Variants in HSDL1 observed in about 807,000 individuals in gnomAD.
HSDL1 encodes the protein inactive hydroxysteroid dehydrogenase-like protein 1.
HSDL1 carries 29 observed loss-of-function variants against 31.5 expected under a neutral mutation model. That is an observed-to-expected ratio of 0.92 (90% confidence interval 0.69 to 1.26). The LOEUF is 1.26. Among genes scored for constraint, HSDL1 ranks in the 50% most tolerant of loss-of-function variants. HSDL1 has a pLI of 0.00. For synonymous variants in HSDL1, 222 were observed against 155.2 expected (o/e 1.43, Z -3.20); for missense variants, 503 against 416.6 (o/e 1.21, Z -1.81).
chr16:84,141,295 C>A (rs980022372), intron 1 of HSDL1, among the ~76,000 whole-genome samples: 1 of 151,674 alleles, frequency 6.6e-6, no homozygotes, highest in Non-Finnish European at 1.5e-5. Flanking sequence ...GTTCACAGGT[C>A]CCCCTGCTGC....
At position 84,129,476 on chromosome 16, in the gene HSDL1, A is replaced by C; in HGVS notation, c.894+72T>G. ...ACAATTCTCATCTTAGGCTTTAATCAGATTTCTCTGTATCACTGAGATAGG... is the reference window on the plus strand; with the variant it reads ...ACAATTCTCATCTTAGGCTTTAATCCGATTTCTCTGTATCACTGAGATAGG... On this transcript the variant is annotated intron_variant, in intron 5 of 5. Transcript: ENST00000219439. 7 of 1,075,700 alleles carry C rather than the reference A, an allele frequency of 6.5e-6. No homozygotes were observed. In the South Asian group the frequency reaches 9.6e-5, roughly 15 times the overall value. 66.6% of individuals were successfully genotyped at this position (1,075,700 alleles called of 1,614,324 possible). A position where few individuals can be genotyped will look rare whatever the true frequency, so the allele number is the denominator to read the frequency against.
intron 5 of HSDL1, among the ~76,000 whole-genome samples, chr16:84,127,036 T>C (rs1196098634): frequency 1.3e-5 from 2 of 152,176 alleles, no homozygotes. Flanking sequence ...AGTAAACTGT[T>C]CGTGTTTTAT....
chr16:84,129,766 C>T lies in HSDL1; in HGVS notation c.676G>A (p.Asp226Asn). The T allele has an allele frequency of 6.2e-7, 1 of 1,612,314 alleles. No individual in the cohort carries two copies. Among genetic ancestry groups the T allele is most frequent in the Non-Finnish European group, 8.5e-7 (1 of 1,178,476 alleles). The change falls in exon 5 of 6, where the codon GAC becomes AAC. Residue 226 changes from aspartate (D) to asparagine (N), a missense_variant. Physicochemically the swap from Asp to Asn is conservative, Grantham distance 23. Transcript: ENST00000219439. ...AAFSASKAYLDHFSRALQYEY... is the reference protein window; with the variant it reads ...AAFSASKAYLNHFSRALQYEY... ...TATTGCAAGGCTCTGCTGAAGTGGT[C>T]TAAATAAGCCTGTTGAGACAGAGGG...
Position 84,124,310 on chromosome 16 carries a change from A to G in HSDL1, c.*320T>C, listed in dbSNP as rs528024526. The G allele has an allele frequency of 4.9e-4, 87 of 176,234 alleles. 2 individuals carry two copies. Among genetic ancestry groups the G allele is most frequent in the African/African-American group, 1.9e-3 (79 of 42,488 alleles). The allele number at this position is 176,234 out of a possible 1,614,324, so 10.9% of individuals were successfully genotyped here. The stretch of plus-strand genomic sequence containing the variant: ...ACATCTGAAATTATAAGACCTGACA[A>G]ATCATATTATATTTCAATATTAGAC... On this transcript the variant is annotated 3_prime_UTR_variant, in exon 6 of 6. Transcript: ENST00000219439.
intron 5 of HSDL1, among the ~76,000 whole-genome samples, chr16:84,126,647 A>G (rs1264061628): frequency 1.3e-5 from 2 of 152,150 alleles, no homozygotes; most frequent in African/African-American, 4.8e-5. Flanking sequence ...TCTAGTCTTG[A>G]ACTGAACTGA....
At chr16:84,129,906 G>C (rs2151186435) in intron 4 of HSDL1, 80 bp downstream of exon 4, 2 of 1,479,762 alleles carry the variant, frequency 1.4e-6, no homozygotes, top group East Asian at 2.3e-5. Context: ...CTGACAAAGA[G>C]TTCAACAAAT....
rs757845284 is a variant in HSDL1 at position 84,130,018 on chromosome 16, T to A, written c.634A>T (p.Thr212Ser). The change falls in exon 4 of 6, where the codon ACT becomes TCT. Residue 212 changes from threonine to serine, a missense_variant. Thr to Ser is a moderately conservative substitution (Grantham distance 58). Coordinates refer to ENST00000219439, the MANE Select transcript of HSDL1 (RefSeq NM_031463.5). The part of the protein sequence containing the change: ...TISSGSCCKP[T>S]PQLAAFSASK... ...GCAGAAAATGCAGCCAGCTGAGGAG[T>A]GGGTTTGCAGCAGGAGCCAGAAGAG... The A allele has an allele frequency of 1.2e-6, 2 of 1,613,210 alleles. No homozygotes were observed. The highest frequency in any genetic ancestry group is 1.7e-6 in the Non-Finnish European group (2 of 1,179,698).
chr16:84,141,409 G>A (rs1032499383), intron 1 of HSDL1, among the ~76,000 whole-genome samples: 2 of 152,014 alleles, frequency 1.3e-5, no homozygotes, highest in African/African-American at 4.8e-5. Context: ...ACGATTCACA[G>A]GTCCCCCTGC....
Position 84,131,207 on chromosome 16 carries a change from T to C in HSDL1, c.115A>G (p.Thr39Ala), listed in dbSNP as rs1261133376. The C allele has an allele frequency of 1.9e-6, 3 of 1,614,038 alleles. No homozygotes were observed. The highest frequency in any genetic ancestry group is 2.7e-5 in the African/African-American group (2 of 74,994). The change falls in exon 3 of 6, where the codon ACT (threonine) becomes GCT (alanine). Residue 39 changes from threonine (T) to alanine (A), a missense_variant. Thr to Ala is a moderately conservative substitution (Grantham distance 58). Transcript: ENST00000219439. ...AGGCTGTAAAAGTCACAGATGACAG[T>C]GATGCTTTTTCTGGCCGTATACCAG... is the stretch of plus-strand genomic sequence containing the variant. ...GAWYTARKSI[T>A]VICDFYSLIR...
rs2086582002 is a variant in HSDL1, at chr16:84,124,401, G to A, written c.*229C>T. ...CAGCTTAGGGAAAAAGCACTGAAAT[G>A]TAGATGTCGTCAATCAGCCTCAGGC... On this transcript the variant is annotated 3_prime_UTR_variant, in exon 6 of 6. Coordinates refer to ENST00000219439, the MANE Select transcript of HSDL1 (RefSeq NM_031463.5). The A allele has an allele frequency of 2.5e-6, 1 of 399,314 alleles. No homozygotes were observed. The highest frequency in any genetic ancestry group is 3.9e-5 in the Admixed American group (1 of 25,868). 24.7% of individuals were successfully genotyped at this position (399,314 alleles called of 1,614,324 possible). A position where few individuals can be genotyped will look rare whatever the true frequency, so the allele number is the denominator to read the frequency against.
Position 84,132,894 on chromosome 16 carries a change from TA to T in HSDL1, c.-6-1568del, listed in dbSNP as rs556665766. 5.6e-4 allele frequency among the ~76,000 whole-genome samples: 84 copies of T among 150,048 alleles called. 1 individual carries two copies. The highest frequency in any genetic ancestry group is 4.9e-3 in the Admixed American group (74 of 14,996). ...AAACCCAAGGACACAGCTTATATTCTAAAAAGAACATGATTTTAAGCCAAAA... is the reference window on the plus strand; with the variant it reads ...AAACCCAAGGACACAGCTTATATTCTAAAAGAACATGATTTTAAGCCAAAA... On this transcript the variant is annotated intron_variant, in intron 2 of 5. Coordinates refer to ENST00000219439, the MANE Select transcript of HSDL1 (RefSeq NM_031463.5).
At chr16:84,144,559 T>C (rs2086818590) in intron 1 of HSDL1, 1 of 152,222 alleles carries the variant, frequency 6.6e-6, no homozygotes, top group Admixed American at 6.5e-5. Context: ...CCACGACCGC[T>C]GCATATTTCC....
intron 4 of HSDL1, 58 bp downstream of exon 4, chr16:84,129,928 A>C: frequency 6.5e-7 from 1 of 1,543,440 alleles, no homozygotes. Flanking sequence ...AGACCAAACA[A>C]CTGTTAATAA....
In HSDL1 at chr16:84,130,145, C is replaced by A; in HGVS notation, c.507G>T (p.Lys169Asn). The change falls in exon 4 of 6, where the codon AAG (lysine) becomes AAT (asparagine). Residue 169 changes from lysine (K) to asparagine (N), a missense_variant. Physicochemically the swap from Lys to Asn is moderately conservative, Grantham distance 94. Transcript: ENST00000219439. Reference protein sequence around the residue: ...PQYFTQLSEDKLWDIINVNIA... With the variant: ...PQYFTQLSEDNLWDIINVNIA... ...TGTTCACATTTATGATGTCCCAGAG[C>A]TTGTCCTCGGACAGCTGAGTGAAAT... 3 of 1,614,222 alleles carry A rather than the reference C, an allele frequency of 1.9e-6. No homozygotes were observed. The highest frequency in any genetic ancestry group is 1.7e-6 in the Non-Finnish European group (2 of 1,180,042).
intron 5 of HSDL1, among the ~76,000 whole-genome samples, chr16:84,126,438 T>C (rs375261493): frequency 1.3e-5 from 2 of 152,150 alleles, no homozygotes; most frequent in African/African-American, 4.8e-5. Context: ...ATCTAGTGGG[T>C]GGAGGCCCAG....
intron 1 of HSDL1, among the ~76,000 whole-genome samples, chr16:84,138,295 T>C (rs1425973789): frequency 4.6e-5 from 7 of 151,902 alleles, no homozygotes. Context: ...AAACAGAGAG[T>C]AGAATGGTGG....
chr16:84,140,535 G>A (rs928127097), intron 1 of HSDL1, among the ~76,000 whole-genome samples: 3 of 152,104 alleles, frequency 2.0e-5, no homozygotes, highest in Non-Finnish European at 4.4e-5. Context: ...AAAGTGCTGG[G>A]ATTACAGGCG....
chr16:84,130,565 AG>A (rs2086653848), intron 3 of HSDL1, 134 bp from the exon 4 acceptor site: 2 of 685,220 alleles, frequency 2.9e-6, no homozygotes, highest in African/African-American at 3.6e-5. Context: ...AGTATCTACA[AG>A]TCAAGGACAC....
chr16:84,131,961 G>GT (rs2086673868), intron 2 of HSDL1, among the ~76,000 whole-genome samples: 1 of 152,194 alleles, frequency 6.6e-6, no homozygotes, highest in Non-Finnish European at 1.5e-5. Flanking sequence ...GATTACAGGT[G>GT]TGAGCCACCA....
Sources: gnomAD v4.1 joint callset for allele counts (sites outside exome capture counted in the v4.1 genomes callset) on GRCh38, gnomAD v4.1.1 for gene constraint, MANE v1.5 for transcripts, NCBI Gene and HGNC (gene_info 2026-07-23, HGNC 2026-07-21) for gene names.